The following MACROD2 variants were observed in gnomAD, a reference collection of about 807,000 sequenced individuals.
MACROD2 encodes mono-ADP ribosylhydrolase 2, also known as ADP-ribose glycohydrolase MACROD2.
In MACROD2, 36 loss-of-function variants were observed where a neutral mutation model predicts 70.4. The observed-to-expected ratio is 0.51, with a 90% CI of 0.39 to 0.68. The LOEUF (loss-of-function observed/expected upper bound fraction) is 0.68, where lower values mean the gene tolerates loss of function less well. Ranked by LOEUF, MACROD2 falls within the 30% of genes least tolerant of loss-of-function variation. The pLI is 0.00. For synonymous variants in MACROD2, 172 were observed against 178.8 expected (o/e 0.96, Z 0.30); for missense variants, 496 against 538.4 (o/e 0.92, Z 0.78).
At chr20:14,211,723 A>G (rs1216672613) in intron 3 of MACROD2, among the ~76,000 whole-genome samples, 1 of 152,178 alleles carries the variant, frequency 6.6e-6, no homozygotes. Context: ...TCTCTTCATG[A>G]GTGGTCACCG....
intron 4 of MACROD2, chr20:14,621,930 G>A (rs1324488431): frequency 1.3e-5 from 2 of 152,046 alleles, no homozygotes; most frequent in Non-Finnish European, 2.9e-5. Flanking sequence ...CATTAGCTGT[G>A]TGAGTTTTAA....
At chr20:14,725,943 G>A (rs1303184885) in intron 5 of MACROD2, among the ~76,000 whole-genome samples, 1 of 152,154 alleles carries the variant, frequency 6.6e-6, no homozygotes, top group East Asian at 1.9e-4. Flanking sequence ...TAGAACAGGT[G>A]CTGAGCAGAT....
chr20:15,035,262 G>T (rs1345901444), intron 5 of MACROD2, among the ~76,000 whole-genome samples: 1 of 152,010 alleles, frequency 6.6e-6, no homozygotes, highest in Non-Finnish European at 1.5e-5. Context: ...TAAATAACCG[G>T]ATGTGGTGGC....
At chr20:14,223,581 C>T (rs1046071140) in intron 3 of MACROD2, among the ~76,000 whole-genome samples, 1 of 149,568 alleles carries the variant, frequency 6.7e-6, no homozygotes, top group African/African-American at 2.5e-5. Flanking sequence ...AATCTCGGCT[C>T]ACTGCAACCT....
intron 3 of MACROD2, among the ~76,000 whole-genome samples, chr20:14,414,361 C>T (rs2122874516): frequency 6.6e-6 from 1 of 152,168 alleles, no homozygotes; most frequent in East Asian, 1.9e-4. Flanking sequence ...ATCTTAAATC[C>T]AGTCACCCTG....
intron 2 of MACROD2, among the ~76,000 whole-genome samples, chr20:14,084,353 T>C (rs2054048706): frequency 6.6e-6 from 1 of 152,174 alleles, no homozygotes; most frequent in South Asian, 2.1e-4. Context: ...ATATCATAAA[T>C]ACTTTTAAAA....
At chr20:15,247,709 T>A (rs2077118903) in intron 6 of MACROD2, among the ~76,000 whole-genome samples, 1 of 152,130 alleles carries the variant, frequency 6.6e-6, no homozygotes, top group South Asian at 2.1e-4. Flanking sequence ...CAGATTTTTT[T>A]TTTTTTGAGA....
chr20:15,549,067 C>T (rs6034214), intron 8 of MACROD2, among the ~76,000 whole-genome samples: 3 of 152,204 alleles, frequency 2.0e-5, no homozygotes, highest in Non-Finnish European at 4.4e-5. Context: ...CAACTGGGCC[C>T]TGAATCCATC....
intron 8 of MACROD2, among the ~76,000 whole-genome samples, chr20:15,567,756 C>T (rs1480853993): frequency 2.6e-5 from 4 of 152,206 alleles, no homozygotes; most frequent in African/African-American, 9.7e-5. Context: ...GAAACTCGCA[C>T]TGGGTACCAT....
intron 3 of MACROD2, among the ~76,000 whole-genome samples, chr20:14,207,321 C>T (rs899347907): frequency 3.4e-4 from 51 of 152,146 alleles, no homozygotes; most frequent in African/African-American, 1.2e-3. Flanking sequence ...AGGATGGTCT[C>T]GATCTCTTGA....
At chr20:15,113,763 AGTGTGTGTGTGTGT>A (rs71340210) in intron 5 of MACROD2, among the ~76,000 whole-genome samples, 8 of 144,240 alleles carry the variant, frequency 5.5e-5, no homozygotes, top group African/African-American at 1.5e-4. Context: ...GTAGTCTTGA[AGTGTGTGTGTGTGT>A]GTGTGTGTGT....
At chr20:15,140,589 C>G (rs960284829) in intron 5 of MACROD2, among the ~76,000 whole-genome samples, 5 of 152,038 alleles carry the variant, frequency 3.3e-5, no homozygotes, top group African/African-American at 1.2e-4. Context: ...TTTAACTCCT[C>G]TACACTCAAA....
At chr20:14,863,088 G>C (rs982289959) in intron 5 of MACROD2, among the ~76,000 whole-genome samples, 4 of 151,954 alleles carry the variant, frequency 2.6e-5, no homozygotes, top group Non-Finnish European at 5.9e-5. Context: ...GGCTTCAAAT[G>C]AGATCAGTAA....
At chr20:14,541,258 C>G (rs1371228187) in intron 4 of MACROD2, among the ~76,000 whole-genome samples, 1 of 152,084 alleles carries the variant, frequency 6.6e-6, no homozygotes, top group Non-Finnish European at 1.5e-5. Flanking sequence ...TGATGACATA[C>G]TTTTTAGAGG....
At chr20:14,729,978 T>C (rs1013368006) in intron 5 of MACROD2, among the ~76,000 whole-genome samples, 1 of 152,058 alleles carries the variant, frequency 6.6e-6, no homozygotes, top group Non-Finnish European at 1.5e-5. Context: ...ACCATTTTTT[T>C]AGGAGAATCA....
chr20:14,614,049 T>C (rs1983325441), intron 4 of MACROD2, among the ~76,000 whole-genome samples: 1 of 152,118 alleles, frequency 6.6e-6, no homozygotes, highest in Non-Finnish European at 1.5e-5. Context: ...TAAATTTTAC[T>C]CAACACAAAT....
intron 6 of MACROD2, among the ~76,000 whole-genome samples, chr20:15,237,531 T>C (rs921279112): frequency 6.6e-6 from 1 of 152,158 alleles, no homozygotes; most frequent in African/African-American, 2.4e-5. Flanking sequence ...TAAATTGATG[T>C]GTTGTTTTCA....
At chr20:14,791,586 A>AT (rs1422134031) in intron 5 of MACROD2, among the ~76,000 whole-genome samples, 1 of 152,058 alleles carries the variant, frequency 6.6e-6, no homozygotes, top group African/African-American at 2.4e-5. Flanking sequence ...CAAAATAGCT[A>AT]TAAAATTTTG....
intron 12 of MACROD2, among the ~76,000 whole-genome samples, chr20:15,955,037 A>T (rs953175147): frequency 6.6e-6 from 1 of 152,166 alleles, no homozygotes; most frequent in Non-Finnish European, 1.5e-5. Context: ...ATTGAAACAT[A>T]CTAAGGAGCT....
Sources: gnomAD v4.1 joint callset for allele counts (sites outside exome capture counted in the v4.1 genomes callset) on GRCh38, gnomAD v4.1.1 for gene constraint, MANE v1.5 for transcripts, NCBI Gene and HGNC (gene_info 2026-07-23, HGNC 2026-07-21) for gene names.